Variants in SIL1 observed in about 807,000 individuals in gnomAD.
SIL1 encodes nucleotide exchange factor SIL1.
SIL1 carries 40 observed loss-of-function variants against 49.1 expected under a neutral mutation model. The ratio of observed to expected loss-of-function variants is 0.81; its 90% CI spans 0.63 to 1.06. The LOEUF is 1.06. Ranked by LOEUF, SIL1 falls within the 50% of genes least tolerant of loss-of-function variation. The probability of loss-of-function intolerance (pLI) is 0.00; values close to 1 mark genes in which losing one functional copy is unlikely to be tolerated. For missense variants in SIL1, 500 were observed against 572.6 expected, an observed-to-expected ratio of 0.87 and a Z score of 1.29; for synonymous variants, 253 against 250.8, an observed-to-expected ratio of 1.01 and a Z score of -0.08.
intron 7 of SIL1, among the ~76,000 whole-genome samples, chr5:138,995,379 G>A (rs1767843106): frequency 6.6e-6 from 1 of 151,758 alleles, no homozygotes; most frequent in Non-Finnish European, 1.5e-5. Flanking sequence ...CAAGTAGCTG[G>A]GATTACAGGC....
Position 138,951,863 on chromosome 5 carries a change from C to G in SIL1, c.789G>C (p.Glu263Asp). The G allele has an allele frequency of 6.2e-7, 1 of 1,613,980 alleles. No individual in the cohort carries two copies. The highest frequency in any genetic ancestry group is 8.5e-7 in the Non-Finnish European group (1 of 1,180,034). The change falls in exon 8 of 10, where the codon GAG (glutamate) becomes GAC (aspartate). Residue 263 changes from glutamate to aspartate, a missense_variant. Glu to Asp is a conservative substitution (Grantham distance 45). Transcript: ENST00000394817. ...AFSSNPKVQVEAIEGGALQKL... is the reference protein window; with the variant it reads ...AFSSNPKVQVDAIEGGALQKL... ...TCTGCAGGGCTCCCCCTTCGATGGC[C>G]TCCACCTGGACCTTGGGGTTGCTGG...
At chr5:138,984,762 A>C (rs1202310344) in intron 7 of SIL1, among the ~76,000 whole-genome samples, 1 of 152,202 alleles carries the variant, frequency 6.6e-6, no homozygotes, top group Non-Finnish European at 1.5e-5. Context: ...AAAAGCAGGA[A>C]GGAAAATCTG....
intron 4 of SIL1, among the ~76,000 whole-genome samples, chr5:139,044,305 G>A (rs1769105450): frequency 6.6e-6 from 1 of 152,046 alleles, no homozygotes. Context: ...ACCCAAGAGG[G>A]AGCTAAGTAT....
At chr5:139,070,725 AC>A (rs751928214) in intron 3 of SIL1, among the ~76,000 whole-genome samples, 1 of 152,184 alleles carries the variant, frequency 6.6e-6, no homozygotes, top group Non-Finnish European at 1.5e-5. Context: ...TATGCTTTGA[AC>A]CTGTGAGTTT....
At chr5:139,050,740 C>CA (rs1286505684) in intron 4 of SIL1, among the ~76,000 whole-genome samples, 198 bp downstream of exon 4, 1 of 152,160 alleles carries the variant, frequency 6.6e-6, no homozygotes, top group Non-Finnish European at 1.5e-5. Context: ...TTTAAAGTAT[C>CA]AATTTGCTTT....
intron 4 of SIL1, among the ~76,000 whole-genome samples, chr5:139,048,840 T>G (rs1769227161): frequency 2.0e-5 from 3 of 152,366 alleles, no homozygotes; most frequent in Non-Finnish European, 4.4e-5. Context: ...AGCTGATTAT[T>G]TCTTACATGG....
chr5:139,065,418 G>C (rs1769683175), intron 3 of SIL1, among the ~76,000 whole-genome samples: 1 of 152,176 alleles, frequency 6.6e-6, no homozygotes, highest in African/African-American at 2.4e-5. Context: ...CTGGCAACAA[G>C]GAAGAAGGGC....
chr5:139,169,947 G>A (rs1244222327), intron 1 of SIL1, among the ~76,000 whole-genome samples: 1 of 151,570 alleles, frequency 6.6e-6, no homozygotes, highest in Admixed American at 6.6e-5. Flanking sequence ...CTGCCATCTC[G>A]GCTCACTGCA....
chr5:138,979,905 C>T (rs1236913801), intron 7 of SIL1, among the ~76,000 whole-genome samples: 13 of 152,210 alleles, frequency 8.5e-5, no homozygotes. Context: ...AACAAACTCC[C>T]TGACTGAAAT....
intron 3 of SIL1, among the ~76,000 whole-genome samples, chr5:139,098,527 G>A (rs1200034789): frequency 1.3e-5 from 2 of 151,834 alleles, no homozygotes; most frequent in Non-Finnish European, 2.9e-5. Context: ...CAGGACACTG[G>A]TCTGGGCAAA....
chr5:138,975,089 A>C (rs1767367559), intron 7 of SIL1, among the ~76,000 whole-genome samples: 1 of 152,212 alleles, frequency 6.6e-6, no homozygotes, highest in Non-Finnish European at 1.5e-5. Context: ...ACTGTAAAGG[A>C]TAAAAACACC....
intron 7 of SIL1, among the ~76,000 whole-genome samples, chr5:138,969,130 A>C (rs990215113): frequency 1.3e-5 from 2 of 152,212 alleles, no homozygotes; most frequent in Admixed American, 6.5e-5. Flanking sequence ...TATTAATTGA[A>C]TTTTAGGCAG....
chr5:139,027,679 T>G (rs1768690804), intron 5 of SIL1, among the ~76,000 whole-genome samples: 1 of 152,216 alleles, frequency 6.6e-6, no homozygotes, highest in Admixed American at 6.5e-5. Context: ...TAGAGGTGAA[T>G]AAAAGACTTT....
Position 139,001,655 on chromosome 5 carries a change from C to T in SIL1, c.767+19516G>A, listed in dbSNP as rs1767985842. Among the ~76,000 whole-genome samples the T allele has an allele frequency of 3.9e-5, 6 of 152,252 alleles. No homozygotes were observed. In the Middle Eastern group the frequency reaches 0.014, roughly 345 times the overall value. ...GGCACAGTGGCTCATGCCTGTAATC[C>T]CAGCACTGTGGGAGGCCAAGGCGGG... On this transcript the variant is annotated intron_variant, in intron 7 of 9. Transcript: ENST00000394817.
chr5:139,058,964 A>ATGTGTGTGTGTGTGTGTGTGTGTG (rs113502024), intron 3 of SIL1, among the ~76,000 whole-genome samples: 1 of 86,768 alleles, frequency 1.2e-5, no homozygotes, highest in African/African-American at 5.7e-5. Context: ...GGAGCTAGAA[A>ATGTGTGTGTGTGTGTGTGTGTGTG]TGTGTATGTG....
At position 139,155,448 on chromosome 5, in the gene SIL1, TGAGA is replaced by T. The variant is rs33957896; in HGVS notation, c.-10-27599_-10-27596del. 6.7e-3 allele frequency: 847 copies of T among 125,906 alleles called. 20 individuals are homozygous for T. The highest frequency in any genetic ancestry group is 0.01 in the Admixed American group (128 of 12,546). 7.8% of individuals were successfully genotyped at this position (125,906 alleles called of 1,614,324 possible). A position where few individuals can be genotyped will look rare whatever the true frequency, so the allele number is the denominator to read the frequency against. On this transcript the variant is annotated intron_variant, in intron 1 of 9. Transcript: ENST00000394817. ...AGTATACACACACACGTACACAGAG[TGAGA>T]GAGAGAGAGAGAGAGAGAGAGAGAG...
chr5:139,144,488 C>T (rs1169440806), intron 1 of SIL1, among the ~76,000 whole-genome samples: 1 of 152,064 alleles, frequency 6.6e-6, no homozygotes, highest in Non-Finnish European at 1.5e-5. Flanking sequence ...AATTGTGAGA[C>T]CAGAATTAAA....
At chr5:139,042,991 C>A (rs1316726380) in intron 4 of SIL1, among the ~76,000 whole-genome samples, 1 of 152,116 alleles carries the variant, frequency 6.6e-6, no homozygotes, top group Admixed American at 6.5e-5. Flanking sequence ...GAGTCAGACC[C>A]TGTCTCTAAA....
intron 7 of SIL1, among the ~76,000 whole-genome samples, chr5:138,959,408 G>A (rs1483677234): frequency 2.6e-5 from 4 of 152,204 alleles, no homozygotes; most frequent in East Asian, 3.8e-4. Context: ...GCAGCTTTAC[G>A]CTAGTTTAAA....
Sources: allele counts gnomAD v4.1 joint callset (sites outside exome capture counted in the v4.1 genomes callset), GRCh38; gene constraint gnomAD v4.1.1; transcripts MANE v1.5; gene names NCBI Gene and HGNC (gene_info 2026-07-23, HGNC 2026-07-21).